The following LIME1 variants were observed in gnomAD, a reference collection of about 807,000 sequenced individuals.
The protein encoded by LIME1 is lck-interacting transmembrane adapter 1.
Under a neutral mutation model 18.8 loss-of-function variants are expected in LIME1, and 23 were observed. The ratio of observed to expected loss-of-function variants is 1.22; its 90% CI spans 0.88 to 1.73. LIME1 has a LOEUF of 1.73. Among genes scored for constraint, LIME1 ranks in the 40% most tolerant of loss-of-function variants. The pLI is 0.00. For synonymous variants in LIME1, 177 were observed against 182.3 expected (o/e 0.97, Z 0.23); for missense variants, 423 against 396.8 (o/e 1.07, Z -0.56).
chr20:63,737,798 C>A, intron 2 of LIME1, 23 bp from the exon 3 acceptor site: 1 of 1,329,940 alleles, frequency 7.5e-7, no homozygotes, highest in Non-Finnish European at 1.0e-6. Flanking sequence ...CCCCGCCCCC[C>A]GCCCCCCACC....
At chr20:63,738,566 G>C in intron 5 of LIME1, 32 bp from the exon 6 acceptor site, 1 of 1,531,810 alleles carries the variant, frequency 6.5e-7, no homozygotes, top group Non-Finnish European at 8.8e-7. Flanking sequence ...GGATGGTGCT[G>C]ACCCCTCCTC....
chr20:63,738,263 C>T lies in LIME1; in HGVS notation c.349C>T (p.Pro117Ser). ...GGACATCACCGGACCGCAGGCAGCC[C>T]CCTCTGCCTTCCCACACCAGGAGCT... The part of the protein sequence containing the change: ...SRDITGPQAA[P>S]SAFPHQELPR... Residue 117 changes from proline (P) to serine (S), a missense_variant, in exon 5 of 6, where the codon CCC (proline) becomes TCC (serine). Coordinates refer to ENST00000309546, the MANE Select transcript of LIME1 (RefSeq NM_017806.4). The T allele has an allele frequency of 6.3e-7, 1 of 1,587,292 alleles. No individual in the cohort carries two copies. The highest frequency in any genetic ancestry group is 8.5e-7 in the Non-Finnish European group (1 of 1,171,706).
chr20:63,737,755 G>A (rs957046921), intron 2 of LIME1, 66 bp from the exon 3 acceptor site: 2 of 1,414,052 alleles, frequency 1.4e-6, no homozygotes, highest in Non-Finnish European at 1.9e-6. Flanking sequence ...CGGCACGCGC[G>A]CCTGCACCGG....
chr20:63,738,989 C>T lies in LIME1; in HGVS notation c.*89C>T. The T allele has an allele frequency of 7.8e-7, 1 of 1,280,086 alleles. No individual in the cohort carries two copies. The highest frequency in any genetic ancestry group is 1.1e-6 in the Non-Finnish European group (1 of 949,770). 79.3% of individuals were successfully genotyped at this position (1,280,086 alleles called of 1,614,324 possible). A position where few individuals can be genotyped will look rare whatever the true frequency, so the allele number is the denominator to read the frequency against. On this transcript the variant is annotated 3_prime_UTR_variant, in exon 6 of 6. Coordinates refer to ENST00000309546, the MANE Select transcript of LIME1 (RefSeq NM_017806.4). ...CAGCTGACAGCGCCAGTCCCAGGTC[C>T]CCGGGCTGCCAGCCCGTGAGGTCCG...
At position 63,737,893 on chromosome 20, in the gene LIME1, G is replaced by C; in HGVS notation, c.171G>C (p.Ala57=). 6.3e-7 allele frequency: 1 copy of C among 1,580,710 alleles called. No homozygotes were observed. Among genetic ancestry groups the C allele is most frequent in the South Asian group, 1.1e-5 (1 of 87,844 alleles). Residue 57 remains alanine (A), a synonymous_variant, in exon 3 of 6, where the codon GCG becomes GCC. Transcript: ENST00000309546. ...QRARLQGSAT[A]AEASLLRRTH... ...CGAGGCTGCAGGGCAGTGCGACGGC[G>C]GCGGAAGCGGTGAGTGCCAGGCTGT...
In LIME1 at chr20:63,736,668, C is replaced by G; in HGVS notation, c.-62C>G. On this transcript the variant is annotated 5_prime_UTR_variant, in exon 1 of 6. Coordinates refer to ENST00000309546, the MANE Select transcript of LIME1 (RefSeq NM_017806.4). ...AGCCGAGGGCTGCACAAAGACCTTC[C>G]TGGCCTGCCCCAGACAGAGCTGAGG... 1 of 985,806 alleles carries G rather than the reference C, an allele frequency of 1.0e-6. No homozygotes were observed. 61.1% of individuals were successfully genotyped at this position (985,806 alleles called of 1,614,324 possible).
Position 63,737,661 on chromosome 20 carries a change from C to A in LIME1, c.98+14C>A. 6.4e-7 allele frequency: 1 copy of A among 1,564,414 alleles called. No individual in the cohort carries two copies. Among genetic ancestry groups the A allele is most frequent in the Non-Finnish European group, 8.6e-7 (1 of 1,157,586 alleles). On this transcript the variant is annotated intron_variant, in intron 2 of 5. Transcript: ENST00000309546. The stretch of plus-strand genomic sequence containing the variant: ...AGCCTGCCGCAGGTAGGTCCCTCAG[C>A]CGCGTTCTGTCTGGGGCCTCGCTGC...
At chr20:63,737,499 G>C (rs1209536244) in intron 1 of LIME1, 34 bp from the exon 2 acceptor site, 1 of 1,437,526 alleles carries the variant, frequency 7.0e-7, no homozygotes, top group South Asian at 1.5e-5. Context: ...GGTCCCCTTG[G>C]CCAGCCCCCA....
Position 63,739,083 on chromosome 20 carries a change from C to T in LIME1, c.*183C>T, listed in dbSNP as rs2092026345. 3.6e-6 allele frequency: 2 copies of T among 557,824 alleles called. No homozygotes were observed. Among genetic ancestry groups the T allele is most frequent in the Admixed American group, 3.4e-5 (1 of 29,542 alleles). The allele number at this position is 557,824 out of a possible 1,614,324, so 34.6% of individuals were successfully genotyped here. A position where few individuals can be genotyped will look rare whatever the true frequency, so the allele number is the denominator to read the frequency against. ...AGAGAAGGCCCGCGTCTAAATAAAGCGCCAGCGCAGGATGAAAGCGGCCAG... is the reference window on the plus strand; with the variant it reads ...AGAGAAGGCCCGCGTCTAAATAAAGTGCCAGCGCAGGATGAAAGCGGCCAG... On this transcript the variant is annotated 3_prime_UTR_variant, in exon 6 of 6. Transcript: ENST00000309546.
chr20:63,738,119 C>A, intron 4 of LIME1, 59 bp downstream of exon 4: 1 of 1,523,894 alleles, frequency 6.6e-7, no homozygotes, highest in South Asian at 1.2e-5. Flanking sequence ...CGCGTGCCAA[C>A]CCCTGGGCCA....
chr20:63,736,992 T>C (rs2091997338), intron 1 of LIME1: 5 of 985,474 alleles, frequency 5.1e-6, no homozygotes, highest in Middle Eastern at 5.2e-4. Context: ...AGAAGTGGGG[T>C]GGGGGCATCA....
At position 63,738,379 on chromosome 20, in the gene LIME1, G is replaced by A; in HGVS notation, c.465G>A (p.Gly155=). The A allele has an allele frequency of 6.4e-7, 1 of 1,555,582 alleles. No individual in the cohort carries two copies. Among genetic ancestry groups the A allele is most frequent in the Non-Finnish European group, 8.7e-7 (1 of 1,150,906 alleles). ...YSNVGLAALP[G]VSLAASPVVA... Reference sequence around the variant, plus strand: ...ACGTGGGGCTGGCGGCCCTTCCCGGGGTCAGCCTGGCGGCCAGCCCTGTGG... The same window carrying A: ...ACGTGGGGCTGGCGGCCCTTCCCGGAGTCAGCCTGGCGGCCAGCCCTGTGG... The change falls in exon 5 of 6, where the codon GGG becomes GGA. Residue 155 remains glycine (G), a synonymous_variant. Coordinates refer to ENST00000309546, the MANE Select transcript of LIME1 (RefSeq NM_017806.4).
Position 63,737,864 on chromosome 20 carries a change from CG to C in LIME1, c.145del (p.Ala49ArgfsTer15), listed in dbSNP as rs1568807594. On this transcript the variant is annotated frameshift_variant, in exon 3 of 6. Coordinates refer to ENST00000309546, the MANE Select transcript of LIME1 (RefSeq NM_017806.4). LOFTEE classifies it high-confidence loss of function. ...CCCCAGGAAGAGGGCGCGGAGGCAG[CG>C]GGCGAGGCTGCAGGGCAGTGCGACG... ...VAPRKRARRQ[R>X]ARLQGSATAA... The C allele has an allele frequency of 3.8e-6, 6 of 1,568,786 alleles. No homozygotes were observed. In the South Asian group the frequency reaches 6.9e-5, roughly 18 times the overall value.
upstream of LIME1, chr20:63,736,583 G>C (rs2091992309): frequency 1.0e-6 from 1 of 986,576 alleles, no homozygotes. Context: ...GCTGCCCAGG[G>C]TGGGAGGCTC....
chr20:63,735,726 C>G, upstream of LIME1: 1 of 1,555,548 alleles, frequency 6.4e-7, no homozygotes, highest in South Asian at 1.2e-5. Flanking sequence ...GTACGGCAGA[C>G]TGGGGTTGGT....
chr20:63,738,770 T>C lies in LIME1; in HGVS notation c.758T>C (p.Val253Ala), dbSNP rs1351014913. ...LDVDSGPLEN[V>A]YESIRELGDP... Reference sequence around the variant, plus strand: ...GTGGACAGCGGCCCCCTGGAAAACGTGTATGAGAGCATCCGGGAGCTGGGG... The same window carrying C: ...GTGGACAGCGGCCCCCTGGAAAACGCGTATGAGAGCATCCGGGAGCTGGGG... The change falls in exon 6 of 6, where the codon GTG (valine) becomes GCG (alanine). Residue 253 changes from valine to alanine, a missense_variant. Coordinates refer to ENST00000309546, the MANE Select transcript of LIME1 (RefSeq NM_017806.4). The C allele has an allele frequency of 1.2e-6, 2 of 1,612,940 alleles. No homozygotes were observed. The highest frequency in any genetic ancestry group is 2.2e-5 in the East Asian group (1 of 44,850).
upstream of LIME1, chr20:63,736,567 G>C (rs1016241414): frequency 7.0e-5 from 68 of 974,822 alleles, no homozygotes; most frequent in Non-Finnish European, 7.8e-5. Context: ...GGCTGCGGTG[G>C]TGGCTGCTGC....
chr20:63,737,827 G>T lies in LIME1; in HGVS notation c.105G>T (p.Glu35Asp). The stretch of plus-strand genomic sequence containing the variant: ...CCCCACCTCTACCCCCAAGGCCCGA[G>T]GACGCTGTAGCCCCCAGGAAGAGGG... Reference protein sequence around the residue: ...WALCTACRRPEDAVAPRKRAR... With the variant: ...WALCTACRRPDDAVAPRKRAR... The change falls in exon 3 of 6, where the codon GAG becomes GAT. Residue 35 changes from glutamate (E) to aspartate (D), a missense_variant. Physicochemically the swap from Glu to Asp is conservative, Grantham distance 45. Coordinates refer to ENST00000309546, the MANE Select transcript of LIME1 (RefSeq NM_017806.4). The T allele has an allele frequency of 1.3e-6, 2 of 1,505,846 alleles. No homozygotes were observed. Among genetic ancestry groups the T allele is most frequent in the South Asian group, 1.2e-5 (1 of 80,744 alleles). 93.3% of individuals were successfully genotyped at this position (1,505,846 alleles called of 1,614,324 possible).
chr20:63,737,476 C>T, intron 1 of LIME1, 57 bp from the exon 2 acceptor site: 3 of 1,404,092 alleles, frequency 2.1e-6, no homozygotes, highest in Non-Finnish European at 2.8e-6. Context: ...TTTGGGGCTG[C>T]CAGGTGGCGC....
Sources: allele counts gnomAD v4.1 joint callset, GRCh38; gene constraint gnomAD v4.1.1; transcripts MANE v1.5; gene names NCBI Gene and HGNC (gene_info 2026-07-23, HGNC 2026-07-21).